DDHD2: variants seen among roughly 807,000 people sequenced by gnomAD.
The protein encoded by DDHD2 is DDHD domain containing 2.
In DDHD2, 62 loss-of-function variants were observed where a neutral mutation model predicts 91.2. The ratio of observed to expected loss-of-function variants is 0.68; its 90% CI spans 0.55 to 0.84. The LOEUF is 0.84. Among genes scored for constraint, DDHD2 ranks in the 40% least tolerant of loss-of-function variants. The pLI, the probability that DDHD2 is intolerant of heterozygous loss-of-function variation, is 0.00. For missense variants in DDHD2, 740 were observed against 846.9 expected (o/e 0.87, Z 1.57); for synonymous variants, 271 against 293.9 (o/e 0.92, Z 0.80).
intron 1 of DDHD2, chr8:38,269,196 C>T: frequency 2.0e-6 from 3 of 1,500,478 alleles, no homozygotes; most frequent in Non-Finnish European, 2.6e-6. Flanking sequence ...GCCGCCTTCC[C>T]CATCCGGCCG....
At chr8:38,268,886 A>G in intron 1 of DDHD2, 2 of 1,552,640 alleles carry the variant, frequency 1.3e-6, no homozygotes, top group South Asian at 1.2e-5. Context: ...ACGCACAAAC[A>G]TCGGCTTGGT....
At chr8:38,238,798 T>G (rs923463761) in intron 5 of DDHD2, 1 of 589,716 alleles carries the variant, frequency 1.7e-6, no homozygotes, top group Non-Finnish European at 2.1e-6. Flanking sequence ...GTTGCCTGGA[T>G]TCAATAACTG....
chr8:38,238,834 C>T, intron 5 of DDHD2: 1 of 417,832 alleles, frequency 2.4e-6, no homozygotes, highest in Non-Finnish European at 3.2e-6. Flanking sequence ...AGATAATATA[C>T]TTAGGAAATA....
At chr8:38,264,865 C>G, downstream of DDHD2, 1 of 1,609,584 alleles carries the variant, frequency 6.2e-7, no homozygotes. Flanking sequence ...TCAGAGTGTA[C>G]TAAATTAGAA....
intron 1 of DDHD2, chr8:38,267,939 A>C: frequency 6.2e-7 from 1 of 1,614,056 alleles, no homozygotes; most frequent in Non-Finnish European, 8.5e-7. Context: ...GACGCCATTC[A>C]GAGCCAGGGC....
intron 16 of DDHD2, 61 bp from the exon 17 acceptor site, chr8:38,259,978 TA>T: frequency 9.7e-7 from 1 of 1,032,616 alleles, no homozygotes; most frequent in Non-Finnish European, 1.5e-6. Context: ...TGAGATAATA[TA>T]TGTAAAACAT....
intron 3 of DDHD2, among the ~76,000 whole-genome samples, chr8:38,236,951 C>T (rs1053975369): frequency 2.6e-5 from 4 of 152,098 alleles, no homozygotes; most frequent in African/African-American, 9.7e-5. Flanking sequence ...AGGCATGAGC[C>T]ACCACGCCTG....
intron 7 of DDHD2, among the ~76,000 whole-genome samples, chr8:38,243,909 G>T (rs1044975868): frequency 2.0e-5 from 3 of 151,218 alleles, no homozygotes; most frequent in African/African-American, 7.3e-5. Context: ...GGTTCAAGCA[G>T]TTCCCAGTCT....
At position 38,233,209 on chromosome 8, in the gene DDHD2, G is replaced by C. The variant is rs773256513; in HGVS notation, c.215G>C (p.Ser72Thr). The stretch of plus-strand genomic sequence containing the variant: ...TCACAGCAGCTGGAAGAGGCATATA[G>C]CTCTGGTAGGTGAAAATTATGACTT... ...EDSQQLEEAY[S>T]SGKGCNGRVV... The change falls in exon 2 of 18, where the codon AGC becomes ACC. Residue 72 changes from serine (S) to threonine (T), a missense_variant. Physicochemically the swap from Ser to Thr is moderately conservative, Grantham distance 58 (BLOSUM62 1). Around this residue, in one of 2 missense-constraint regions of DDHD2, gnomAD observed 693 missense variants for 764.2 expected, o/e 0.91. Coordinates refer to ENST00000397166, the MANE Select transcript of DDHD2 (RefSeq NM_015214.3). The C allele has an allele frequency of 5.6e-5, 90 of 1,609,906 alleles. No homozygotes were observed. The highest frequency in any genetic ancestry group is 1.6e-4 in the Middle Eastern group (1 of 6,068).
At chr8:38,260,222 G>A (rs775950213) in intron 17 of DDHD2, 75 bp downstream of exon 17, 4 of 815,248 alleles carry the variant, frequency 4.9e-6, no homozygotes, top group South Asian at 1.8e-5. Context: ...GGAGCCTCAA[G>A]CTCTTTTTAA....
At chr8:38,269,025 C>T in intron 1 of DDHD2, 3 of 1,542,404 alleles carry the variant, frequency 1.9e-6, no homozygotes, top group Non-Finnish European at 2.6e-6. Flanking sequence ...AGCAGGTCGC[C>T]TGGCTTCCTC....
intron 16 of DDHD2, among the ~76,000 whole-genome samples, chr8:38,258,974 C>T (rs997885156): frequency 4.6e-5 from 7 of 152,116 alleles, no homozygotes; most frequent in Admixed American, 6.5e-5. Context: ...ATCTGGAAAA[C>T]GCATGAGAAA....
rs545028552 is a variant in DDHD2 at position 38,241,325 on chromosome 8, T to C, written c.713-925T>C. Among the ~76,000 whole-genome samples the C allele has an allele frequency of 2.0e-5, 3 of 152,128 alleles. No individual in the cohort carries two copies. The South Asian group carries it at 6.2e-4, about 31-fold the overall frequency. ...CTGCAAGACTGTTGTTATATTGTCA[T>C]GTGATTAAAAAAAAAATGAAACAGT... On this transcript the variant is annotated intron_variant, in intron 6 of 17. Transcript: ENST00000397166.
chr8:38,249,888 G>C (rs1463421762), intron 11 of DDHD2, 85 bp downstream of exon 11: 1 of 915,150 alleles, frequency 1.1e-6, no homozygotes, highest in Non-Finnish European at 1.6e-6. Context: ...GTTTACTCTG[G>C]GGAGCCAAGC....
chr8:38,249,259 A>C (rs10113411), intron 10 of DDHD2, among the ~76,000 whole-genome samples: 33,864 of 151,462 alleles, frequency 0.22, 3,961 homozygotes, highest in East Asian at 0.31. Flanking sequence ...AATACAGGTG[A>C]CTGCCACTGC....
intron 16 of DDHD2, among the ~76,000 whole-genome samples, chr8:38,256,296 CTTAT>C (rs962773137): frequency 2.6e-5 from 4 of 151,920 alleles, no homozygotes; most frequent in African/African-American, 7.3e-5. Context: ...TGGCGTTTAG[CTTAT>C]TTATTTATTT....
chr8:38,259,990 T>G, intron 16 of DDHD2, 50 bp from the exon 17 acceptor site: 1 of 1,180,412 alleles, frequency 8.5e-7, no homozygotes, highest in Non-Finnish European at 1.3e-6. Context: ...TGTAAAACAT[T>G]TGGCACAAGT....
chr8:38,267,706 A>G (rs1807866248), downstream of DDHD2: 1 of 668,386 alleles, frequency 1.5e-6, no homozygotes, highest in South Asian at 2.0e-5. Context: ...GTTCAGGCAG[A>G]AAAGAGCCCA....
intron 10 of DDHD2, 58 bp downstream of exon 10, chr8:38,247,893 T>G: frequency 7.3e-7 from 1 of 1,375,290 alleles, no homozygotes; most frequent in African/African-American, 1.5e-5. Flanking sequence ...TTGTTTATCG[T>G]GTTTACTAAG....
Sources: gnomAD v4.1 joint callset for allele counts (sites outside exome capture counted in the v4.1 genomes callset) on GRCh38, gnomAD v4.1.1 for gene constraint, gnomAD v4.1.1 regional missense constraint, MANE v1.5 for transcripts, NCBI Gene and HGNC (gene_info 2026-07-23, HGNC 2026-07-21) for gene names.